Variants in ZMAT4 observed in about 807,000 individuals in gnomAD.
ZMAT4 encodes the protein zinc finger matrin-type protein 4.
ZMAT4 carries 17 observed loss-of-function variants against 28.7 expected under a neutral mutation model. The observed-to-expected ratio is 0.59, with a 90% CI of 0.41 to 0.89. The LOEUF is 0.89. Ranked by LOEUF, ZMAT4 falls within the 40% of genes least tolerant of loss-of-function variation. The pLI, the probability that ZMAT4 is intolerant of heterozygous loss-of-function variation, is 0.00. For synonymous variants in ZMAT4, 117 were observed against 109.2 expected (o/e 1.07, Z -0.44); for missense variants, 240 against 283.8 (o/e 0.85, Z 1.11).
intron 2 of ZMAT4, among the ~76,000 whole-genome samples, chr8:40,804,792 G>T (rs1815005458): frequency 6.6e-6 from 1 of 152,072 alleles, no homozygotes; most frequent in South Asian, 2.1e-4. Context: ...AGTGAGCCGA[G>T]ATCGGGCCAT....
rs182770721 is a variant in ZMAT4 at position 40,552,669 on chromosome 8, A to C, written c.675-20431T>G. On this transcript the variant is annotated intron_variant, in intron 6 of 6. Coordinates refer to ENST00000297737, the MANE Select transcript of ZMAT4 (RefSeq NM_024645.3). Reference sequence around the variant, plus strand: ...GGAGAACTTGAGACCCAGGGAGATGAGTGGAGAAGGATGAGTCTCCTATAT... The same window carrying C: ...GGAGAACTTGAGACCCAGGGAGATGCGTGGAGAAGGATGAGTCTCCTATAT... Among the ~76,000 whole-genome samples, 148 of 152,302 alleles carry C rather than the reference A, an allele frequency of 9.7e-4. 1 individual carries two copies. Among genetic ancestry groups the C allele is most frequent in the African/African-American group, 3.5e-3 (144 of 41,574 alleles).
At chr8:40,622,621 C>T (rs1806240774) in intron 5 of ZMAT4, among the ~76,000 whole-genome samples, 1 of 152,176 alleles carries the variant, frequency 6.6e-6, no homozygotes, top group Non-Finnish European at 1.5e-5. Flanking sequence ...GTTTATTTGG[C>T]TCATCATTCT....
intron 2 of ZMAT4, among the ~76,000 whole-genome samples, chr8:40,821,910 C>T (rs1172507185): frequency 6.6e-6 from 1 of 152,178 alleles, no homozygotes; most frequent in Non-Finnish European, 1.5e-5. Flanking sequence ...TTTTCTCATT[C>T]CACTCGCCCC....
chr8:40,835,948 A>C (rs1220636810), intron 1 of ZMAT4, among the ~76,000 whole-genome samples: 1 of 152,148 alleles, frequency 6.6e-6, no homozygotes, highest in Non-Finnish European at 1.5e-5. Context: ...AGTCCATGTA[A>C]AAGTATGTAG....
chr8:40,754,529 C>T (rs540714907), intron 3 of ZMAT4, among the ~76,000 whole-genome samples: 158 of 152,228 alleles, frequency 1.0e-3, no homozygotes, highest in Admixed American at 2.9e-3. Flanking sequence ...CCACCAATGA[C>T]GAGTTCTACT....
chr8:40,800,901 CAG>C (rs907210391), intron 2 of ZMAT4, among the ~76,000 whole-genome samples: 1 of 151,826 alleles, frequency 6.6e-6, no homozygotes, highest in African/African-American at 2.4e-5. Flanking sequence ...AAATTAGAAA[CAG>C]AAAATTATAG....
In ZMAT4 at chr8:40,646,467, G is replaced by T. The variant is rs1322072524; in HGVS notation, c.577+28237C>A. On this transcript the variant is annotated intron_variant, in intron 5 of 6. Coordinates refer to ENST00000297737, the MANE Select transcript of ZMAT4 (RefSeq NM_024645.3). ...AACCTTACAGTCTTATTCTTTATGT[G>T]ATAGTTGTCAATTTTATTAATATTT... is the stretch of plus-strand genomic sequence containing the variant. Among the ~76,000 whole-genome samples the T allele has an allele frequency of 4.0e-5, 6 of 151,758 alleles. No individual in the cohort carries two copies. The East Asian group carries it at 9.6e-4, about 24-fold the overall frequency.
intron 2 of ZMAT4, among the ~76,000 whole-genome samples, chr8:40,797,233 C>T (rs1030836505): frequency 1.3e-5 from 2 of 152,160 alleles, no homozygotes; most frequent in African/African-American, 4.8e-5. Context: ...GCCACTAACA[C>T]CAAAAAAAGC....
intron 6 of ZMAT4, among the ~76,000 whole-genome samples, chr8:40,557,870 G>A (rs1286908359): frequency 6.6e-6 from 1 of 152,180 alleles, no homozygotes; most frequent in Non-Finnish European, 1.5e-5. Context: ...TGGATGGATA[G>A]ACTGATTGAT....
At chr8:40,569,985 C>T (rs1041323231) in intron 6 of ZMAT4, among the ~76,000 whole-genome samples, 6 of 152,134 alleles carry the variant, frequency 3.9e-5, no homozygotes, top group African/African-American at 7.2e-5. Context: ...CTCTGTATTC[C>T]AACCCCTCAC....
chr8:40,826,932 C>T (rs1049790631), intron 1 of ZMAT4, among the ~76,000 whole-genome samples: 3 of 152,110 alleles, frequency 2.0e-5, no homozygotes, highest in Non-Finnish European at 1.5e-5. Context: ...GTTTCACCTC[C>T]TACCCGTCAA....
intron 2 of ZMAT4, among the ~76,000 whole-genome samples, chr8:40,796,099 A>G (rs1026272578): frequency 1.3e-5 from 2 of 152,156 alleles, no homozygotes; most frequent in East Asian, 1.9e-4. Flanking sequence ...GCTGACTCTC[A>G]GGGGCTGACG....
intron 5 of ZMAT4, among the ~76,000 whole-genome samples, chr8:40,585,981 T>A (rs1438412492): frequency 6.6e-6 from 1 of 152,192 alleles, no homozygotes; most frequent in Non-Finnish European, 1.5e-5. Flanking sequence ...TAAAACATAT[T>A]CTGATCTGTT....
intron 3 of ZMAT4, among the ~76,000 whole-genome samples, chr8:40,712,719 T>C (rs1810678717): frequency 6.6e-6 from 1 of 152,154 alleles, no homozygotes; most frequent in South Asian, 2.1e-4. Flanking sequence ...TCTCCTAATG[T>C]TGGGAAACCA....
intron 5 of ZMAT4, among the ~76,000 whole-genome samples, chr8:40,601,511 GAAAGAGAA>G (rs1805332075): frequency 5.0e-5 from 3 of 60,596 alleles, no homozygotes; most frequent in Non-Finnish European, 9.9e-5. Context: ...GAAAGAAAGA[GAAAGAGAA>G]AGAAAGAGGG....
At chr8:40,697,117 A>T in intron 4 of ZMAT4, 128 bp downstream of exon 4, 1 of 1,140,178 alleles carries the variant, frequency 8.8e-7, no homozygotes, top group Non-Finnish European at 1.2e-6. Context: ...TCATCCCTTT[A>T]GGCTTTGAAT....
At chr8:40,860,962 G>T (rs536872221) in intron 1 of ZMAT4, among the ~76,000 whole-genome samples, 12 of 152,300 alleles carry the variant, frequency 7.9e-5, no homozygotes, top group African/African-American at 2.9e-4. Flanking sequence ...CCCAAAAAAG[G>T]AGCAGATCTC....
intron 2 of ZMAT4, chr8:40,808,653 T>G: frequency 2.5e-6 from 1 of 407,498 alleles, no homozygotes; most frequent in Non-Finnish European, 4.9e-6. Flanking sequence ...ACATTAGACA[T>G]CTTCACTCAG....
intron 6 of ZMAT4, among the ~76,000 whole-genome samples, chr8:40,560,273 TA>T (rs1265080357): frequency 6.6e-6 from 1 of 151,836 alleles, no homozygotes; most frequent in Non-Finnish European, 1.5e-5. Context: ...CTGAACAAAT[TA>T]TGTAAATAAT....
Sources: allele counts gnomAD v4.1 joint callset (sites outside exome capture counted in the v4.1 genomes callset), GRCh38; gene constraint gnomAD v4.1.1; transcripts MANE v1.5; gene names NCBI Gene and HGNC (gene_info 2026-07-23, HGNC 2026-07-21).